SOX6: variants seen among roughly 807,000 people sequenced by gnomAD.
The protein encoded by SOX6 is transcription factor SOX-6.
Under a neutral mutation model 97.8 loss-of-function variants are expected in SOX6, and 11 were observed. That is an observed-to-expected ratio of 0.11 (90% CI 0.07 to 0.19). The LOEUF (loss-of-function observed/expected upper bound fraction) is 0.19. SOX6 is among the 10% of genes least tolerant of loss of function. The pLI, the probability that SOX6 is intolerant of heterozygous loss-of-function variation, is 1.00. For missense variants in SOX6, 810 were observed against 1,039.5 expected (o/e 0.78, Z 3.04); for synonymous variants, 360 against 371.4 (o/e 0.97, Z 0.35).
At chr11:16,710,273 A>G (rs970154318) in intron 3 of SOX6, among the ~76,000 whole-genome samples, 2 of 152,234 alleles carry the variant, frequency 1.3e-5, no homozygotes, top group Non-Finnish European at 2.9e-5. Context: ...TCTGCATCCC[A>G]TATTTTTCAG....
At chr11:16,404,715 C>CT (rs1468745255) in intron 1 of SOX6, among the ~76,000 whole-genome samples, 1 of 151,928 alleles carries the variant, frequency 6.6e-6, no homozygotes, top group Non-Finnish European at 1.5e-5. Flanking sequence ...CCAAGCCGTT[C>CT]TGCTCCTTGC....
intron 4 of SOX6, chr11:16,576,718 T>C (rs1404611803): frequency 3.3e-5 from 5 of 152,200 alleles, no homozygotes; most frequent in Non-Finnish European, 5.9e-5. Flanking sequence ...TAAATATAGT[T>C]CACGTCTCCT....
At chr11:16,705,174 C>T (rs1039445748) in intron 3 of SOX6, among the ~76,000 whole-genome samples, 4 of 151,974 alleles carry the variant, frequency 2.6e-5, no homozygotes, top group Non-Finnish European at 5.9e-5. Context: ...AGGAGAATCG[C>T]TTGAACCCAG....
intron 4 of SOX6, among the ~76,000 whole-genome samples, chr11:16,211,448 G>A (rs1330410233): frequency 1.2e-5 from 1 of 80,810 alleles, no homozygotes; most frequent in Non-Finnish European, 2.6e-5. Context: ...ATAATTTGAG[G>A]AGAGTTAAAT....
chr11:16,642,217 G>C (rs923294104), intron 3 of SOX6, among the ~76,000 whole-genome samples: 50 of 152,136 alleles, frequency 3.3e-4, no homozygotes, highest in Admixed American at 3.3e-3. Flanking sequence ...TTTTCTTTAA[G>C]AATGTTGAAT....
intron 4 of SOX6, among the ~76,000 whole-genome samples, chr11:16,527,423 G>C (rs929347994): frequency 1.4e-4 from 21 of 152,008 alleles, no homozygotes; most frequent in African/African-American, 4.1e-4. Context: ...TTTTATACTT[G>C]CTCAGTAATC....
At chr11:16,270,302 C>T (rs893593025) in intron 3 of SOX6, among the ~76,000 whole-genome samples, 7 of 151,236 alleles carry the variant, frequency 4.6e-5, no homozygotes, top group Non-Finnish European at 1.0e-4. Flanking sequence ...GACTTCACAT[C>T]TGCTAGAATG....
intron 15 of SOX6, among the ~76,000 whole-genome samples, chr11:15,981,365 G>A (rs1342529333): frequency 6.6e-6 from 1 of 152,080 alleles, no homozygotes; most frequent in Non-Finnish European, 1.5e-5. Context: ...GCCCACCATT[G>A]CTACATGACT....
At chr11:16,486,801 T>C (rs529341887) in intron 4 of SOX6, among the ~76,000 whole-genome samples, 2 of 152,166 alleles carry the variant, frequency 1.3e-5, no homozygotes, top group East Asian at 1.9e-4. Context: ...TGAACCAAGA[T>C]TGCGCCACTG....
At chr11:16,502,311 T>C (rs949534930) in intron 4 of SOX6, among the ~76,000 whole-genome samples, 8 of 151,986 alleles carry the variant, frequency 5.3e-5, no homozygotes, top group Admixed American at 1.3e-4. Flanking sequence ...GGGCCTGTTG[T>C]GGGGTGGAGG....
rs576355977 is a variant in SOX6, at chr11:16,157,513, G to A, written c.777+26373C>T. On this transcript the variant is annotated intron_variant, in intron 6 of 15. Transcript: ENST00000683767. ...CTGTATTTACATGTTCTGTCCCCCA[G>A]ATTTGGTTAATCATTTGGTTAAATG... Among the ~76,000 whole-genome samples, 33 of 151,988 alleles carry A rather than the reference G, an allele frequency of 2.2e-4. No homozygotes were observed. The East Asian group carries it at 5.8e-3, about 27-fold the overall frequency.
chr11:16,676,805 T>A (rs73419086), intron 3 of SOX6, among the ~76,000 whole-genome samples: 3,527 of 152,228 alleles, frequency 0.023, 142 homozygotes, highest in African/African-American at 0.081. Flanking sequence ...ACATACAGTT[T>A]ACAACTTCCT....
At chr11:16,047,011 T>C (rs1214675059) in intron 11 of SOX6, among the ~76,000 whole-genome samples, 1 of 152,106 alleles carries the variant, frequency 6.6e-6, no homozygotes, top group Non-Finnish European at 1.5e-5. Context: ...TTGCTCTGCC[T>C]GTATGTACAA....
At chr11:16,038,459 GGA>G (rs1855573544) in intron 12 of SOX6, among the ~76,000 whole-genome samples, 1 of 152,066 alleles carries the variant, frequency 6.6e-6, no homozygotes, top group Non-Finnish European at 1.5e-5. Context: ...TGGAAAGGTG[GGA>G]GAGAGAGGAA....
intron 2 of SOX6, among the ~76,000 whole-genome samples, chr11:16,726,154 A>C (rs1848304900): frequency 6.6e-6 from 1 of 152,018 alleles, no homozygotes; most frequent in Non-Finnish European, 1.5e-5. Context: ...CACGCCTATA[A>C]TCCCAGTACT....
At chr11:16,504,164 T>C (rs1860749679) in intron 4 of SOX6, among the ~76,000 whole-genome samples, 1 of 151,864 alleles carries the variant, frequency 6.6e-6, no homozygotes, top group Admixed American at 6.6e-5. Context: ...TCTATAGGAC[T>C]TTCCTCTAAT....
At chr11:16,088,728 ATTCT>A (rs1848624431) in intron 9 of SOX6, among the ~76,000 whole-genome samples, 2 of 152,180 alleles carry the variant, frequency 1.3e-5, no homozygotes, top group Non-Finnish European at 2.9e-5. Context: ...GTAATACTTC[ATTCT>A]TTCTTTAATT....
At chr11:16,246,826 T>A (rs1023527451) in intron 3 of SOX6, among the ~76,000 whole-genome samples, 12 of 152,152 alleles carry the variant, frequency 7.9e-5, no homozygotes, top group African/African-American at 2.9e-4. Context: ...TGTGATGTTT[T>A]GATACAAGCA....
At chr11:16,538,083 C>T (rs4287304) in intron 4 of SOX6, among the ~76,000 whole-genome samples, 147,213 of 152,202 alleles carry the variant, frequency 0.97, 71,389 homozygotes, top group East Asian at 1. Context: ...AGAGAAAGGT[C>T]GGGTTACCCA....
Sources: gnomAD v4.1 joint callset for allele counts (sites outside exome capture counted in the v4.1 genomes callset) on GRCh38, gnomAD v4.1.1 for gene constraint, MANE v1.5 for transcripts, NCBI Gene and HGNC (gene_info 2026-07-23, HGNC 2026-07-21) for gene names.